SLC8A1: variants seen among roughly 807,000 people sequenced by gnomAD.
SLC8A1 encodes the protein solute carrier family 8 member A1.
In SLC8A1, 18 loss-of-function variants were observed where a neutral mutation model predicts 68.3. That is an observed-to-expected ratio of 0.26 (90% confidence interval 0.18 to 0.39). The LOEUF (loss-of-function observed/expected upper bound fraction) is 0.39, where lower values mean the gene tolerates loss of function less well. Among genes scored for constraint, SLC8A1 ranks in the 10% least tolerant of loss-of-function variants. The probability of loss-of-function intolerance (pLI) is 1.00; values close to 1 mark genes in which losing one functional copy is unlikely to be tolerated. For synonymous variants in SLC8A1, 475 were observed against 415.5 expected (o/e 1.14, Z -1.74); for missense variants, 985 against 1,156.7 (o/e 0.85, Z 2.15).
intron 2 of SLC8A1, among the ~76,000 whole-genome samples, chr2:40,219,090 G>A (rs1574234942): frequency 6.6e-6 from 1 of 151,598 alleles, no homozygotes; most frequent in East Asian, 1.9e-4. Context: ...AAGTTAAGCA[G>A]GGAAGACTAC....
chr2:40,211,379 T>C (rs577992750), intron 2 of SLC8A1, among the ~76,000 whole-genome samples: 1 of 152,316 alleles, frequency 6.6e-6, no homozygotes, highest in South Asian at 2.1e-4. Context: ...GCTTTTCCAA[T>C]AGACAGCTAA....
chr2:40,392,049 A>C (rs1293400148), intron 2 of SLC8A1, among the ~76,000 whole-genome samples: 1 of 138,042 alleles, frequency 7.2e-6, no homozygotes, highest in African/African-American at 2.9e-5. Flanking sequence ...AAACAAACAA[A>C]CAAAATAAGA....
chr2:40,304,131 G>A (rs1186760403), intron 2 of SLC8A1, among the ~76,000 whole-genome samples: 1 of 152,144 alleles, frequency 6.6e-6, no homozygotes, highest in Non-Finnish European at 1.5e-5. Flanking sequence ...TTAATAATGT[G>A]ATAATATTCA....
chr2:40,260,303 C>A (rs370378533), intron 2 of SLC8A1, among the ~76,000 whole-genome samples: 2 of 152,214 alleles, frequency 1.3e-5, no homozygotes, highest in South Asian at 2.1e-4. Context: ...TCAGAGCTCA[C>A]TGAAAATCCA....
At chr2:40,346,953 A>G (rs1669547970) in intron 2 of SLC8A1, among the ~76,000 whole-genome samples, 1 of 152,200 alleles carries the variant, frequency 6.6e-6, no homozygotes, top group African/African-American at 2.4e-5. Context: ...AATGAAAAAA[A>G]TAAAATAAAA....
At chr2:40,235,435 C>T (rs1335298255) in intron 2 of SLC8A1, among the ~76,000 whole-genome samples, 90 of 151,970 alleles carry the variant, frequency 5.9e-4, no homozygotes, top group African/African-American at 1.8e-3. Context: ...TCTGTGGGAT[C>T]GGTGGTGATA....
At chr2:40,216,486 A>C (rs1334168475) in intron 2 of SLC8A1, among the ~76,000 whole-genome samples, 1 of 152,228 alleles carries the variant, frequency 6.6e-6, no homozygotes, top group East Asian at 1.9e-4. Flanking sequence ...TCTTTATAGT[A>C]GAATGATTTA....
chr2:40,412,109 GTC>G (rs1692331154), intron 2 of SLC8A1, among the ~76,000 whole-genome samples: 1 of 152,030 alleles, frequency 6.6e-6, no homozygotes, highest in Non-Finnish European at 1.5e-5. Context: ...GAACCAAATG[GTC>G]TGATTCCAGA....
chr2:40,478,471 T>TA (rs1436614366), intron 1 of SLC8A1, among the ~76,000 whole-genome samples: 3 of 152,170 alleles, frequency 2.0e-5, no homozygotes, highest in Non-Finnish European at 4.4e-5. Context: ...CCCAAATATT[T>TA]AAAAAATAAC....
At chr2:40,386,069 T>G (rs997202409) in intron 2 of SLC8A1, among the ~76,000 whole-genome samples, 1 of 151,276 alleles carries the variant, frequency 6.6e-6, no homozygotes, top group Non-Finnish European at 1.5e-5. Context: ...AATGCTACTA[T>G]GTGTTTTAAA....
rs146036759 is a variant in SLC8A1 at position 40,424,628 on chromosome 2, GT to G, written c.1808+3844del. On this transcript the variant is annotated intron_variant, in intron 2 of 7. Transcript: ENST00000406785. ...ATAATAGTTGTTAAAACAAAATTAA[GT>G]TTGGGTAGGCCCGTTGTTTAATATG... 1.4e-4 allele frequency among the ~76,000 whole-genome samples: 22 copies of G among 151,932 alleles called. No homozygotes were observed. In the East Asian group the frequency reaches 3.9e-3, roughly 27 times the overall value.
chr2:40,142,301 CA>C (rs2041714876), intron 6 of SLC8A1, among the ~76,000 whole-genome samples: 1 of 152,160 alleles, frequency 6.6e-6, no homozygotes, highest in Non-Finnish European at 1.5e-5. Flanking sequence ...AAGAAAGTCA[CA>C]TTAATACATT....
intron 2 of SLC8A1, among the ~76,000 whole-genome samples, chr2:40,350,537 G>T (rs548995778): frequency 8.6e-6 from 1 of 115,910 alleles, no homozygotes; most frequent in Non-Finnish European, 1.6e-5. Flanking sequence ...AATTTTTTGT[G>T]CATTTAAAAT....
chr2:40,285,940 C>G (rs115706382), intron 2 of SLC8A1, among the ~76,000 whole-genome samples: 4,285 of 152,176 alleles, frequency 0.028, 73 homozygotes, highest in Non-Finnish European at 0.043. Context: ...TAGAGAATAA[C>G]TGCCAAAATG....
In SLC8A1 at chr2:40,116,307, T is replaced by A. The variant is rs187316092; in HGVS notation, c.2438-678A>T. On this transcript the variant is annotated intron_variant, in intron 7 of 7. Transcript: ENST00000406785. ...ACTGCATTGATTGTGATGGTACTTT[T>A]TTATTATTATTTTTTATTATTATAC... Among the ~76,000 whole-genome samples the A allele has an allele frequency of 8.3e-3, 1,260 of 152,306 alleles. 10 individuals carry two copies. The highest frequency in any genetic ancestry group is 0.027 in the African/African-American group (1,129 of 41,560).
In SLC8A1 at chr2:40,417,805, GT is replaced by G. The variant is rs200433098; in HGVS notation, c.1808+10667del. Among the ~76,000 whole-genome samples, 487 of 151,850 alleles carry G rather than the reference GT, an allele frequency of 3.2e-3. 16 individuals carry two copies. In the East Asian group the frequency reaches 0.071, roughly 22 times the overall value. The stretch of plus-strand genomic sequence containing the variant: ...CCATTCACTTTTATTCCATGTTCAT[GT>G]TTAGGAAGCAATATGTTTAAAATGA... On this transcript the variant is annotated intron_variant, in intron 2 of 7. Coordinates refer to ENST00000406785, the Ensembl canonical transcript of SLC8A1.
chr2:40,477,428 T>G (rs1704357404), intron 1 of SLC8A1, among the ~76,000 whole-genome samples: 1 of 152,018 alleles, frequency 6.6e-6, no homozygotes, highest in African/African-American at 2.4e-5. Context: ...CCCAGCCCCC[T>G]CCCTATTTCT....
intron 1 of SLC8A1, among the ~76,000 whole-genome samples, chr2:40,460,399 T>C (rs966058603): frequency 2.6e-5 from 4 of 152,092 alleles, no homozygotes; most frequent in Non-Finnish European, 4.4e-5. Context: ...AGGGTAATCA[T>C]TTATATTTTG....
chr2:40,373,834 C>T (rs1473417300), intron 2 of SLC8A1, among the ~76,000 whole-genome samples: 1 of 152,094 alleles, frequency 6.6e-6, no homozygotes, highest in Admixed American at 6.6e-5. Context: ...CCATCTTTTG[C>T]CATTTGTGCT....
Sources: allele counts gnomAD v4.1 joint callset (sites outside exome capture counted in the v4.1 genomes callset), GRCh38; gene constraint gnomAD v4.1.1; transcripts MANE v1.5; gene names NCBI Gene and HGNC (gene_info 2026-07-23, HGNC 2026-07-21).